Variants in LOXHD1 observed in about 807,000 individuals in gnomAD.
The protein encoded by LOXHD1 is lipoxygenase homology PLAT domains 1, also known as lipoxygenase homology domain-containing protein 1.
In LOXHD1, 205 loss-of-function variants were observed where a neutral mutation model predicts 248.2. The observed-to-expected ratio is 0.83, with a 90% confidence interval of 0.74 to 0.93. The LOEUF (loss-of-function observed/expected upper bound fraction) is 0.93, where lower values mean the gene tolerates loss of function less well. LOXHD1 is among the 40% of genes least tolerant of loss of function. LOXHD1 has a pLI of 0.00. For missense variants in LOXHD1, 2,930 were observed against 2,971.6 expected (o/e 0.99, Z 0.33); for synonymous variants, 1,113 against 1,162.8 (o/e 0.96, Z 0.87).
intron 17 of LOXHD1, among the ~76,000 whole-genome samples, chr18:46,564,210 C>T (rs1022990585): frequency 4.0e-5 from 6 of 151,760 alleles, no homozygotes; most frequent in Non-Finnish European, 5.9e-5. Flanking sequence ...CAATAGATAA[C>T]GTCTAAGACT....
intron 31 of LOXHD1, among the ~76,000 whole-genome samples, chr18:46,524,034 A>C (rs930156141): frequency 6.6e-6 from 1 of 152,228 alleles, no homozygotes; most frequent in African/African-American, 2.4e-5. Flanking sequence ...TTATGGAGGA[A>C]GAAAAAACTG....
At chr18:46,504,931 C>T (rs150258636) in intron 37 of LOXHD1, among the ~76,000 whole-genome samples, 67 of 152,270 alleles carry the variant, frequency 4.4e-4, no homozygotes, top group African/African-American at 1.6e-3. Flanking sequence ...CAACTCTATC[C>T]TAATTATAAC....
intron 4 of LOXHD1, among the ~76,000 whole-genome samples, chr18:46,621,858 G>A (rs930103507): frequency 6.6e-6 from 1 of 152,164 alleles, no homozygotes; most frequent in African/African-American, 2.4e-5. Flanking sequence ...AAATGACATG[G>A]TGGATTCACC....
Position 46,577,630 on chromosome 18 carries a change from A to G in LOXHD1, c.1970+77T>C, listed in dbSNP as rs1413491686. 6 of 1,477,562 alleles carry G rather than the reference A, an allele frequency of 4.1e-6. No homozygotes were observed. In the African/African-American group the frequency reaches 5.6e-5, roughly 14 times the overall value. 91.5% of individuals were successfully genotyped at this position (1,477,562 alleles called of 1,614,324 possible). ...CACTGTTTTGCTTGCTGGTCATGGT[A>G]GTAGGGCTGGGTCTTCCCAAAACAC... On this transcript the variant is annotated intron_variant, in intron 14 of 40. Transcript: ENST00000642948.
At chr18:46,651,587 A>G (rs1025221038) in intron 1 of LOXHD1, among the ~76,000 whole-genome samples, 2 of 152,108 alleles carry the variant, frequency 1.3e-5, no homozygotes, top group African/African-American at 4.8e-5. Flanking sequence ...TAGGAGAGGA[A>G]TGAAAAACTA....
intron 21 of LOXHD1, 32 bp downstream of exon 21, chr18:46,557,324 C>T: frequency 6.4e-7 from 1 of 1,552,060 alleles, no homozygotes; most frequent in Non-Finnish European, 8.7e-7. Flanking sequence ...CTCAGAGCAA[C>T]ACCCCTCCCT....
At chr18:46,567,418 C>T (rs1399273139) in intron 16 of LOXHD1, among the ~76,000 whole-genome samples, 1 of 152,258 alleles carries the variant, frequency 6.6e-6, no homozygotes, top group Non-Finnish European at 1.5e-5. Context: ...GCAGCCCAGT[C>T]CCCTGGAATT....
chr18:46,507,898 C>T (rs145513735), intron 35 of LOXHD1, among the ~76,000 whole-genome samples, 186 bp from the exon 36 acceptor site: 133 of 152,272 alleles, frequency 8.7e-4, no homozygotes, highest in African/African-American at 3.2e-3. Flanking sequence ...GTCCTGTGTG[C>T]CTGGCATGGG....
chr18:46,574,702 C>T (rs774090884), intron 14 of LOXHD1, among the ~76,000 whole-genome samples: 4 of 152,116 alleles, frequency 2.6e-5, no homozygotes, highest in Admixed American at 6.6e-5. Context: ...GCTTCTCTTC[C>T]GCCCAGCCAT....
At chr18:46,557,545 C>T in intron 20 of LOXHD1, 56 bp from the exon 21 acceptor site, 1 of 1,546,494 alleles carries the variant, frequency 6.5e-7, no homozygotes, top group Non-Finnish European at 8.7e-7. Context: ...CCCACATGGC[C>T]ATCAGCCCCA....
At chr18:46,633,133 AAAG>A (rs2038848390) in intron 4 of LOXHD1, among the ~76,000 whole-genome samples, 1 of 152,238 alleles carries the variant, frequency 6.6e-6, no homozygotes, top group Non-Finnish European at 1.5e-5. Flanking sequence ...GAATGCATTA[AAAG>A]AAGTGACCTA....
chr18:46,499,195 G>C (rs1410666080), intron 37 of LOXHD1, among the ~76,000 whole-genome samples: 1 of 152,218 alleles, frequency 6.6e-6, no homozygotes, highest in African/African-American at 2.4e-5. Context: ...GCTAGATATA[G>C]AGGTATGAGC....
chr18:46,487,240 A>C (rs1040255631), intron 38 of LOXHD1, among the ~76,000 whole-genome samples: 6 of 152,162 alleles, frequency 3.9e-5, no homozygotes, highest in Non-Finnish European at 8.8e-5. Context: ...TTTGAAAGGC[A>C]AGACAGGAGA....
At chr18:46,530,030 AG>A (rs2035994272) in intron 28 of LOXHD1, among the ~76,000 whole-genome samples, 1 of 152,336 alleles carries the variant, frequency 6.6e-6, no homozygotes, top group South Asian at 2.1e-4. Flanking sequence ...TTTTTATTTA[AG>A]GAAAAATAAA....
intron 20 of LOXHD1, 69 bp from the exon 21 acceptor site, chr18:46,557,558 C>T: frequency 1.9e-6 from 3 of 1,539,196 alleles, no homozygotes; most frequent in Middle Eastern, 1.8e-4. Flanking sequence ...CAGCCCCATC[C>T]TCCCAAGAAC....
At chr18:46,633,345 A>G (rs567572245) in intron 4 of LOXHD1, among the ~76,000 whole-genome samples, 2 of 152,358 alleles carry the variant, frequency 1.3e-5, no homozygotes, top group South Asian at 2.1e-4. Context: ...ATAATTTTCA[A>G]CAGGGGTGCC....
At chr18:46,630,113 G>A (rs1461228136) in intron 4 of LOXHD1, among the ~76,000 whole-genome samples, 4 of 152,220 alleles carry the variant, frequency 2.6e-5, no homozygotes, top group Non-Finnish European at 5.9e-5. Context: ...CCCACCTCAA[G>A]ACTGGGCCCT....
chr18:46,536,351 G>A (rs761785530), intron 26 of LOXHD1, among the ~76,000 whole-genome samples: 4 of 152,104 alleles, frequency 2.6e-5, no homozygotes, highest in East Asian at 3.9e-4. Context: ...TACCGACTCC[G>A]CAATTCAGCG....
At chr18:46,594,134 G>A (rs150376118) in intron 9 of LOXHD1, among the ~76,000 whole-genome samples, 197 bp downstream of exon 9, 45 of 152,236 alleles carry the variant, frequency 3.0e-4, no homozygotes, top group Non-Finnish European at 5.1e-4. Context: ...TTGGTGCCAG[G>A]GGTGTGACTC....
Sources: allele counts gnomAD v4.1 joint callset (sites outside exome capture counted in the v4.1 genomes callset), GRCh38; gene constraint gnomAD v4.1.1; transcripts MANE v1.5; gene names NCBI Gene and HGNC (gene_info 2026-07-23, HGNC 2026-07-21).